Variants in SLC25A22 observed in about 807,000 individuals in gnomAD.
The protein encoded by SLC25A22 is mitochondrial glutamate carrier 1.
A neutral mutation model predicts 33.7 loss-of-function variants in SLC25A22; 23 were observed. The observed-to-expected ratio is 0.68, with a 90% CI of 0.49 to 0.97. SLC25A22 has a LOEUF of 0.97. Ranked by LOEUF, SLC25A22 falls within the 50% of genes least tolerant of loss-of-function variation. The probability of loss-of-function intolerance (pLI) is 0.00; values close to 1 mark genes in which losing one functional copy is unlikely to be tolerated. For synonymous variants in SLC25A22, 245 were observed against 203.8 expected, an observed-to-expected ratio of 1.20 and a Z score of -1.72; for missense variants, 390 against 451.1, an observed-to-expected ratio of 0.86 and a Z score of 1.23.
At chr11:792,281 C>T (rs764198838) in intron 8 of SLC25A22, 23 bp downstream of exon 8, 19 of 1,612,980 alleles carry the variant, frequency 1.2e-5, no homozygotes, top group East Asian at 4.5e-5. Flanking sequence ...CATCCCCAGC[C>T]GGGCGCCATC....
rs572464433 is a variant in SLC25A22 at position 798,222 on chromosome 11, T to TCGC, written c.-172_-170dup. Reference sequence around the variant, plus strand: ...GCCGCCGGGCAGACACTCACCACGCTCGCCGCCGCCGCCGCGCTCGCCTGC... The same window carrying TCGC: ...GCCGCCGGGCAGACACTCACCACGCTCGCCGCCGCCGCCGCCGCGCTCGCCTGC... On this transcript the variant is annotated 5_prime_UTR_variant, in exon 1 of 10. Transcript: ENST00000628067. 698 of 395,270 alleles carry TCGC rather than the reference T, an allele frequency of 1.8e-3. 2 individuals are homozygous for TCGC. The highest frequency in any genetic ancestry group is 6.6e-3 in the African/African-American group (316 of 48,236). 24.5% of individuals were successfully genotyped at this position (395,270 alleles called of 1,614,324 possible).
At position 798,270 on chromosome 11, in the gene SLC25A22, C is replaced by T. The variant is rs1864942721; in HGVS notation, c.-217G>A. 2.6e-6 allele frequency: 1 copy of T among 382,534 alleles called. No individual in the cohort carries two copies. Among genetic ancestry groups the T allele is most frequent in the African/African-American group, 2.1e-5 (1 of 47,920 alleles). The allele number at this position is 382,534 out of a possible 1,614,324, so 23.7% of individuals were successfully genotyped here. On this transcript the variant is annotated 5_prime_UTR_variant, in exon 1 of 10. Coordinates refer to ENST00000628067, the MANE Select transcript of SLC25A22 (RefSeq NM_001191061.2). ...TGCCCGCCCCGCGCTCGGCCAGCAC[C>T]TAGGCGGGGAGGCGCGTCCGCTCGG...
intron 1 of SLC25A22, among the ~76,000 whole-genome samples, chr11:796,722 T>A (rs1864844782): frequency 1.3e-5 from 2 of 152,156 alleles, no homozygotes; most frequent in African/African-American, 4.8e-5. Context: ...AGGCCTGCTG[T>A]CCACAGGGAA....
At chr11:794,283 C>T (rs964748558) in intron 4 of SLC25A22, 175 bp downstream of exon 4, 1 of 792,842 alleles carries the variant, frequency 1.3e-6, no homozygotes, top group African/African-American at 1.7e-5. Flanking sequence ...CTGAGAACTA[C>T]CACTCACCAG....
chr11:794,116 G>T (rs576347962), intron 4 of SLC25A22: 2 of 594,926 alleles, frequency 3.4e-6, no homozygotes, highest in East Asian at 6.4e-5. Flanking sequence ...GCTGCTTTGC[G>T]GTAATGCCCC....
In SLC25A22 at chr11:793,563, TG is replaced by T. The variant is rs1565037991; in HGVS notation, c.258del (p.Asn87ThrfsTer15). On this transcript the variant is annotated frameshift_variant, in exon 5 of 10. Transcript: ENST00000628067. LOFTEE classifies it high-confidence loss of function. Reference protein sequence around the residue: ...VTPEKAIKLAANDFFRHQLSK... With the variant: ...VTPEKAIKLAXNDFFRHQLSK... ...GAGAGCTGATGTCGGAAGAAGTCGT[TG>T]GCTGCCAGCTTGATGGCCTTCTCGG... is the stretch of plus-strand genomic sequence containing the variant. 6.2e-7 allele frequency: 1 copy of T among 1,612,980 alleles called. No homozygotes were observed. Among genetic ancestry groups the T allele is most frequent in the Admixed American group, 1.7e-5 (1 of 59,978 alleles).
In SLC25A22 at chr11:791,903, C is replaced by T. The variant is rs745830860; in HGVS notation, c.*12G>A. 23 of 1,585,322 alleles carry T rather than the reference C, an allele frequency of 1.5e-5. No individual in the cohort carries two copies. The highest frequency in any genetic ancestry group is 1.1e-4 in the South Asian group (10 of 88,792). On this transcript the variant is annotated 3_prime_UTR_variant, in exon 10 of 10. Transcript: ENST00000628067. ...CCCTGCCCAGCTGGCTGGGGTGGAG[C>T]GGGTGCTGGGCTCAGGCCTGGGGGT...
In SLC25A22 at chr11:792,144, G is replaced by C. The variant is rs1864555570; in HGVS notation, c.816C>G (p.Ala272=). The C allele has an allele frequency of 1.2e-6, 2 of 1,612,280 alleles. No individual in the cohort carries two copies. Among genetic ancestry groups the C allele is most frequent in the Non-Finnish European group, 1.7e-6 (2 of 1,179,688 alleles). ...EDTYSGILDC[A]RKILRHEGPS... is the part of the protein sequence containing the mutation. ...CACCCGCCGTGGGACCTCCCCACCT[G>C]GCACAGTCCAGGATCCCAGAGTAGG... The change falls in exon 9 of 10, where the codon GCC becomes GCG. Residue 272 remains alanine (A), a splice_region_variant and synonymous_variant. Coordinates refer to ENST00000628067, the MANE Select transcript of SLC25A22 (RefSeq NM_001191061.2).
intron 5 of SLC25A22, among the ~76,000 whole-genome samples, chr11:793,278 C>T (rs1419192419): frequency 6.6e-6 from 1 of 152,190 alleles, no homozygotes; most frequent in Non-Finnish European, 1.5e-5. Context: ...CTTGCAGTCC[C>T]CCTCCAGTGA....
At chr11:793,352 T>A in intron 5 of SLC25A22, 177 bp downstream of exon 5, 1 of 664,956 alleles carries the variant, frequency 1.5e-6, no homozygotes. Flanking sequence ...TGATTTGACA[T>A]CTGCTTTGCT....
intron 1 of SLC25A22, 84 bp from the exon 2 acceptor site, chr11:795,253 C>T (rs575291575): frequency 1.5e-4 from 99 of 639,302 alleles, no homozygotes; most frequent in Non-Finnish European, 2.7e-4. Context: ...CTCACGCAGC[C>T]CCTCACCCAC....
In SLC25A22 at chr11:794,228, A is replaced by G. The variant is rs1010822190; in HGVS notation, c.202+230T>C. Reference sequence around the variant, plus strand: ...AGAGACAGATGTACCATGGCATCCCACGCACCAGGCACTAAGTGGGGGTGG... The same window carrying G: ...AGAGACAGATGTACCATGGCATCCCGCGCACCAGGCACTAAGTGGGGGTGG... On this transcript the variant is annotated intron_variant, in intron 4 of 9. Transcript: ENST00000628067. 5 of 704,458 alleles carry G rather than the reference A, an allele frequency of 7.1e-6. No homozygotes were observed. The African/African-American group carries it at 8.7e-5, about 12-fold the overall frequency. The allele number at this position is 704,458 out of a possible 1,614,324, so 43.6% of individuals were successfully genotyped here.
intron 3 of SLC25A22, 88 bp downstream of exon 3, chr11:794,688 A>T: frequency 5.2e-6 from 8 of 1,546,684 alleles, no homozygotes; most frequent in Non-Finnish European, 7.0e-6. Flanking sequence ...CCTTCTGTCA[A>T]ACAGGGTGGG....
Position 792,955 on chromosome 11 carries a change from C to T in SLC25A22, c.327G>A (p.Ala109=), listed in dbSNP as rs141975755. 783 of 1,613,440 alleles carry T rather than the reference C, an allele frequency of 4.9e-4. 1 individual carries two copies. Among genetic ancestry groups the T allele is most frequent in the Middle Eastern group, 1.6e-3 (10 of 6,062 alleles). Reference sequence around the variant, plus strand: ...CCTGGCAGGTGCCAGCCCCACAGCCCGCCAGCATCTCTTTAAGCAGGGTCA... The same window carrying T: ...CCTGGCAGGTGCCAGCCCCACAGCCTGCCAGCATCTCTTTAAGCAGGGTCA... ...QKLTLLKEML[A]GCGAGTCQVI... is the part of the protein sequence containing the mutation. The change falls in exon 6 of 10, where the codon GCG becomes GCA. Residue 109 remains alanine, a synonymous_variant. Transcript: ENST00000628067.
At chr11:794,434 G>A (rs373000046) in intron 4 of SLC25A22, 24 bp downstream of exon 4, 51 of 1,609,728 alleles carry the variant, frequency 3.2e-5, no homozygotes, top group Admixed American at 6.7e-5. Flanking sequence ...TGCCCATATC[G>A]AGCCCAGCCG....
chr11:795,093 AGGGTG>A lies in SLC25A22; in HGVS notation c.-92_-88del. 1 of 800,032 alleles carries A rather than the reference AGGGTG, an allele frequency of 1.2e-6. No individual in the cohort carries two copies. Among genetic ancestry groups the A allele is most frequent in the Middle Eastern group, 3.5e-4 (1 of 2,848 alleles). 49.6% of individuals were successfully genotyped at this position (800,032 alleles called of 1,614,324 possible). On this transcript the variant is annotated 5_prime_UTR_variant, in exon 2 of 10. Transcript: ENST00000628067. ...GTGGAGGTGGAGGAGGCCTTGAGGG[AGGGTG>A]GGACCCAGGGGGGTTGGGTGGTGCT... is the stretch of plus-strand genomic sequence containing the variant.
At chr11:794,686 CAA>C (rs1864702163) in intron 3 of SLC25A22, 88 bp downstream of exon 3, 1 of 1,545,806 alleles carries the variant, frequency 6.5e-7, no homozygotes, top group Non-Finnish European at 8.7e-7. Flanking sequence ...TCCCTTCTGT[CAA>C]ACAGGGTGGG....
At chr11:792,273 T>C (rs764959934) in intron 8 of SLC25A22, 31 bp downstream of exon 8, 1 of 1,612,922 alleles carries the variant, frequency 6.2e-7, no homozygotes, top group South Asian at 1.1e-5. Context: ...TCCCGCCCCA[T>C]CCCCAGCCGG....
At chr11:792,835 C>T (rs781683988) in intron 6 of SLC25A22, 35 bp downstream of exon 6, 7 of 1,588,208 alleles carry the variant, frequency 4.4e-6, no homozygotes, top group African/African-American at 1.3e-5. Flanking sequence ...TCTTCCCGCA[C>T]CTCTGCCCTC....
Sources: allele counts gnomAD v4.1 joint callset (sites outside exome capture counted in the v4.1 genomes callset), GRCh38; gene constraint gnomAD v4.1.1; transcripts MANE v1.5; gene names NCBI Gene and HGNC (gene_info 2026-07-23, HGNC 2026-07-21).